Variants in ZNF398 observed in about 807,000 individuals in gnomAD.
The protein encoded by ZNF398 is zinc finger protein 398.
A neutral mutation model predicts 41.9 loss-of-function variants in ZNF398; 18 were observed. The ratio of observed to expected loss-of-function variants is 0.43; its 90% CI spans 0.30 to 0.64. ZNF398 has a LOEUF of 0.64. Ranked by LOEUF, ZNF398 falls within the 30% of genes least tolerant of loss-of-function variation. The pLI is 0.14. For missense variants in ZNF398, 669 were observed against 822.8 expected (o/e 0.81, Z 2.29); for synonymous variants, 260 against 308.8 (o/e 0.84, Z 1.66).
chr7:149,178,955 A>G lies in ZNF398; in HGVS notation c.1083A>G (p.Gln361=), dbSNP rs148015972. ...NLSQDMLLTH[Q]CSHATEHPLP... ...GCCAAGACATGTTGCTGACCCACCA[A>G]TGTAGCCATGCTACTGAGCACCCCT... Residue 361 remains glutamine (Q), a synonymous_variant, in exon 6 of 6, where the codon CAA becomes CAG. Transcript: ENST00000475153. 1.7e-4 allele frequency: 274 copies of G among 1,614,034 alleles called. 1 individual carries two copies. The African/African-American group carries it at 2.6e-3, about 15-fold the overall frequency.
At position 149,179,711 on chromosome 7, in the gene ZNF398, T is replaced by C. The variant is rs577947703; in HGVS notation, c.1839T>C (p.Thr613=). 1.2e-6 allele frequency: 2 copies of C among 1,614,114 alleles called. No homozygotes were observed. The highest frequency in any genetic ancestry group is 2.7e-5 in the African/African-American group (2 of 75,050). Residue 613 remains threonine (T), a synonymous_variant, in exon 6 of 6, where the codon ACT becomes ACC. Transcript: ENST00000475153. This position sits in a 1 kb window ranked among gnomAD's most constrained non-coding sequence, Gnocchi z 6.1. The part of the protein sequence containing the change: ...QPPNPPGPLI[T]GLETSGLGVN... ...CCAACCCACCAGGTCCCCTCATAAC[T>C]GGGCTTGAAACTTCTGGCCTGGGTG...
At chr7:149,150,036 C>A (rs1827072459) in intron 1 of ZNF398, among the ~76,000 whole-genome samples, 1 of 151,894 alleles carries the variant, frequency 6.6e-6, no homozygotes, top group Non-Finnish European at 1.5e-5. Context: ...AACAACCTAC[C>A]CAAAAAGGTG....
chr7:149,151,268 A>T, intron 1 of ZNF398: 1 of 1,252,420 alleles, frequency 8.0e-7, no homozygotes, highest in Admixed American at 2.5e-5. Flanking sequence ...TCAAGGCCGG[A>T]GGTTAGCTGA....
In ZNF398 at chr7:149,178,842, GT is replaced by G. The variant is rs1795526880; in HGVS notation, c.971del (p.Val324GlyfsTer35). 1 of 1,614,170 alleles carries G rather than the reference GT, an allele frequency of 6.2e-7. No individual in the cohort carries two copies. Among genetic ancestry groups the G allele is most frequent in the Non-Finnish European group, 8.5e-7 (1 of 1,180,024 alleles). ...CCTGCCTGAAGCCTCTGAGGGACAA[GT>G]GACTTTTACTCAGTTGGGTAGCTAT... The part of the protein sequence containing the change: ...TDLPEASEGQ[V>X]TFTQLGSYPL... On this transcript the variant is annotated frameshift_variant, in exon 6 of 6. Coordinates refer to ENST00000475153, the MANE Select transcript of ZNF398 (RefSeq NM_170686.3). LOFTEE classifies it low-confidence loss of function (END_TRUNC).
chr7:149,148,632 T>G (rs1246663748), intron 1 of ZNF398: 1 of 261,430 alleles, frequency 3.8e-6, no homozygotes, highest in Non-Finnish European at 5.9e-6. Context: ...TTTTTCTTTT[T>G]TCCAACCTTT....
intron 2 of ZNF398, among the ~76,000 whole-genome samples, chr7:149,137,971 G>A (rs1402442207): frequency 2.6e-5 from 4 of 151,850 alleles, no homozygotes; most frequent in Admixed American, 6.6e-5. Context: ...AGGCCGAGGC[G>A]GGCGGATCAC....
At chr7:149,145,901 A>G (rs1826927722), upstream of ZNF398, among the ~76,000 whole-genome samples, 2 of 150,848 alleles carry the variant, frequency 1.3e-5, no homozygotes, top group South Asian at 2.1e-4. Flanking sequence ...CTGTTGACTT[A>G]AAACACAACC....
In ZNF398 at chr7:149,178,509, A is replaced by G. The variant is rs1795517460; in HGVS notation, c.776-139A>G. ...TGATGATTTGCCACAGAGACCACAG[A>G]TGTCTCGGTTATTATTGCAGCCTTC... On this transcript the variant is annotated intron_variant, in intron 5 of 5. Coordinates refer to ENST00000475153, the MANE Select transcript of ZNF398 (RefSeq NM_170686.3). 2.9e-5 allele frequency: 20 copies of G among 695,480 alleles called. No homozygotes were observed. The South Asian group carries it at 3.6e-4, about 12-fold the overall frequency. The allele number at this position is 695,480 out of a possible 1,614,324, so 43.1% of individuals were successfully genotyped here.
intron 4 of ZNF398, among the ~76,000 whole-genome samples, chr7:149,175,767 C>T (rs1390557182): frequency 6.6e-6 from 1 of 152,128 alleles, no homozygotes; most frequent in African/African-American, 2.4e-5. Context: ...TCACTGCAGC[C>T]GCTGCCTCCC....
intron 2 of ZNF398, among the ~76,000 whole-genome samples, chr7:149,137,384 T>C (rs1826736825): frequency 6.6e-6 from 1 of 152,180 alleles, no homozygotes; most frequent in African/African-American, 2.4e-5. Flanking sequence ...TGACGTTAAC[T>C]GCATACTTTT....
intron 5 of ZNF398, 133 bp downstream of exon 5, chr7:149,176,714 C>T (rs1795467338): frequency 3.5e-6 from 2 of 574,382 alleles, no homozygotes; most frequent in African/African-American, 1.9e-5. Flanking sequence ...CCATGCTCAA[C>T]ATTATGAATG....
upstream of ZNF398, among the ~76,000 whole-genome samples, chr7:149,144,250 T>C (rs1475947004): frequency 6.6e-6 from 1 of 152,224 alleles, no homozygotes; most frequent in East Asian, 1.9e-4. Flanking sequence ...CCCTGTTAAA[T>C]GGCCATAGGA....
chr7:149,156,704 C>CA lies in ZNF398; in HGVS notation c.420+2371dup, dbSNP rs1236460999. On this transcript the variant is annotated intron_variant, in intron 2 of 5. Transcript: ENST00000475153. ...AGAAACCCCATCTCTACTAAATATA[C>CA]AAAAAAATTAGCTGGGCCTGGTGGC... is the stretch of plus-strand genomic sequence containing the variant. Among the ~76,000 whole-genome samples, 43 of 150,802 alleles carry CA rather than the reference C, an allele frequency of 2.9e-4. No individual in the cohort carries two copies. The East Asian group carries it at 6.6e-3, about 23-fold the overall frequency.
At chr7:149,170,042 A>G (rs1172379333) in intron 4 of ZNF398, among the ~76,000 whole-genome samples, 2 of 152,226 alleles carry the variant, frequency 1.3e-5, no homozygotes, top group East Asian at 1.9e-4. Flanking sequence ...AAAGCTCATT[A>G]GAGACTCAGT....
At chr7:149,169,125 A>T (rs1795280406) in intron 4 of ZNF398, among the ~76,000 whole-genome samples, 1 of 152,238 alleles carries the variant, frequency 6.6e-6, no homozygotes, top group African/African-American at 2.4e-5. Flanking sequence ...AGGTTTTGTG[A>T]TAACGTATCA....
In ZNF398 at chr7:149,182,006, G is replaced by A. The variant is rs1300245228; in HGVS notation, c.*2205G>A. 1 of 152,190 alleles carries A rather than the reference G, an allele frequency of 6.6e-6. No homozygotes were observed. Among genetic ancestry groups the A allele is most frequent in the Non-Finnish European group, 1.5e-5 (1 of 68,026 alleles). 9.4% of individuals were successfully genotyped at this position (152,190 alleles called of 1,614,324 possible). A position where few individuals can be genotyped will look rare whatever the true frequency, so the allele number is the denominator to read the frequency against. Reference sequence around the variant, plus strand: ...CTGAGTGGATTTCAAGCATTTGCCAGGGTATGCTGGAGGAGGGACTCCTAA... The same window carrying A: ...CTGAGTGGATTTCAAGCATTTGCCAAGGTATGCTGGAGGAGGGACTCCTAA... On this transcript the variant is annotated 3_prime_UTR_variant, in exon 6 of 6. Transcript: ENST00000475153.
chr7:149,164,675 G>A (rs563184509), intron 2 of ZNF398, among the ~76,000 whole-genome samples: 26 of 152,308 alleles, frequency 1.7e-4, no homozygotes, highest in African/African-American at 6.3e-4. Flanking sequence ...AGATGCCAAG[G>A]AAGAAGGTTG....
intron 3 of ZNF398, 104 bp downstream of exon 3, chr7:149,166,388 C>A (rs1050247993): frequency 6.9e-7 from 1 of 1,439,616 alleles, no homozygotes; most frequent in Non-Finnish European, 9.6e-7. Context: ...TGTCTTCACA[C>A]ACTTCAAATT....
At chr7:149,155,709 T>TA (rs1563159486) in intron 2 of ZNF398, among the ~76,000 whole-genome samples, 8 of 20,468 alleles carry the variant, frequency 3.9e-4, no homozygotes, top group Admixed American at 1.2e-3. Flanking sequence ...ATATATATAT[T>TA]TTTTTTTTTT....
Sources: allele counts gnomAD v4.1 joint callset (sites outside exome capture counted in the v4.1 genomes callset), GRCh38; gene constraint gnomAD v4.1.1; non-coding constraint Gnocchi (gnomAD v3.1); transcripts MANE v1.5; gene names NCBI Gene and HGNC (gene_info 2026-07-23, HGNC 2026-07-21).